The following NRCAM variants were observed in gnomAD, a reference collection of about 807,000 sequenced individuals.
The protein encoded by NRCAM is neuronal cell adhesion molecule.
NRCAM carries 83 observed loss-of-function variants against 156.5 expected under a neutral mutation model. The observed-to-expected ratio is 0.53, with a 90% confidence interval of 0.44 to 0.64. NRCAM has a LOEUF of 0.64. NRCAM is among the 30% of genes least tolerant of loss of function. The pLI is 0.00. For missense variants in NRCAM, 1,417 were observed against 1,597.3 expected (o/e 0.89, Z 1.92); for synonymous variants, 538 against 563.9 (o/e 0.95, Z 0.65).
chr7:108,207,479 T>C (rs1196081104), intron 13 of NRCAM, 49 bp downstream of exon 13: 10 of 1,590,158 alleles, frequency 6.3e-6, no homozygotes, highest in African/African-American at 1.3e-5. Flanking sequence ...TCGGGATGTA[T>C]ATATGCTCTG....
At chr7:108,434,401 T>C (rs2154471672) in intron 1 of NRCAM, among the ~76,000 whole-genome samples, 1 of 152,306 alleles carries the variant, frequency 6.6e-6, no homozygotes, top group Middle Eastern at 3.4e-3. Flanking sequence ...CAGAGATTTA[T>C]CAGAGAGTTC....
chr7:108,203,454 T>TC (rs1434137850), intron 13 of NRCAM, among the ~76,000 whole-genome samples: 1 of 151,358 alleles, frequency 6.6e-6, no homozygotes, highest in African/African-American at 2.4e-5. Context: ...TTCCAGTTTT[T>TC]TTTTTTTAAA....
intron 26 of NRCAM, among the ~76,000 whole-genome samples, chr7:108,177,654 T>C (rs1383057768): frequency 1.2e-4 from 2 of 16,270 alleles, no homozygotes; most frequent in African/African-American, 2.2e-4. Flanking sequence ...TATATATATA[T>C]ATATATGTAT....
At chr7:108,256,432 C>G (rs1486161372) in intron 3 of NRCAM, among the ~76,000 whole-genome samples, 9 of 149,288 alleles carry the variant, frequency 6.0e-5, no homozygotes, top group Admixed American at 5.3e-4. Context: ...GCAGCATGCT[C>G]GTTAAGAGTC....
At chr7:108,348,981 T>C (rs1454514082) in intron 2 of NRCAM, among the ~76,000 whole-genome samples, 1 of 151,110 alleles carries the variant, frequency 6.6e-6, no homozygotes, top group Admixed American at 6.6e-5. Flanking sequence ...TGGGGGGGAA[T>C]GTATTGGCAA....
intron 3 of NRCAM, among the ~76,000 whole-genome samples, chr7:108,256,054 G>A (rs1455148019): frequency 6.6e-6 from 1 of 151,038 alleles, no homozygotes; most frequent in Non-Finnish European, 1.5e-5. Flanking sequence ...GGTGGGGGGC[G>A]CCTCTGCCCG....
At chr7:108,382,386 A>C (rs1458978610) in intron 2 of NRCAM, among the ~76,000 whole-genome samples, 1 of 152,110 alleles carries the variant, frequency 6.6e-6, no homozygotes, top group African/African-American at 2.4e-5. Flanking sequence ...ACTTGAGTTC[A>C]GGAGTTTGAG....
At chr7:108,164,804 G>T (rs2052757641) in intron 30 of NRCAM, among the ~76,000 whole-genome samples, 1 of 152,188 alleles carries the variant, frequency 6.6e-6, no homozygotes, top group Non-Finnish European at 1.5e-5. Context: ...TGTAAAAAGT[G>T]ACAAGAACTG....
intron 32 of NRCAM, among the ~76,000 whole-genome samples, chr7:108,152,017 G>T (rs936478799): frequency 6.6e-6 from 1 of 152,120 alleles, no homozygotes; most frequent in African/African-American, 2.4e-5. Flanking sequence ...AAGATAGATT[G>T]TTCTCGGCAC....
chr7:108,332,586 G>A (rs777782707), intron 2 of NRCAM, among the ~76,000 whole-genome samples: 13 of 152,200 alleles, frequency 8.5e-5, no homozygotes, highest in South Asian at 4.1e-4. Flanking sequence ...AACTAAGAAC[G>A]ATTCCTTAAA....
Position 108,252,827 on chromosome 7 carries a change from C to T in NRCAM, c.-106-12657G>A, listed in dbSNP as rs543460141. 2.6e-5 allele frequency among the ~76,000 whole-genome samples: 4 copies of T among 152,336 alleles called. No homozygotes were observed. In the South Asian group the frequency reaches 6.2e-4, roughly 24 times the overall value. On this transcript the variant is annotated intron_variant, in intron 3 of 32. Coordinates refer to ENST00000379028, the MANE Select transcript of NRCAM (RefSeq NM_001037132.4). ...CTGAGAGCAAGGGTATGGATGGAGA[C>T]GAGCTGTTCTCTAAACATTTCTGCG... is the stretch of plus-strand genomic sequence containing the variant.
intron 3 of NRCAM, among the ~76,000 whole-genome samples, chr7:108,258,057 A>G (rs1268038487): frequency 4.6e-5 from 7 of 152,194 alleles, no homozygotes; most frequent in Non-Finnish European, 1.0e-4. Flanking sequence ...GCAAGCTCAG[A>G]CTTAGTTTCT....
rs1359244951 is a variant in NRCAM at position 108,391,495 on chromosome 7, T to C, written c.-174+7941A>G. ...CTGCATGTGAGATGGGTTTCCTGAA[T>C]ACAGCACACTGATGGGTCTTGACTC... On this transcript the variant is annotated intron_variant, in intron 2 of 32. Transcript: ENST00000379028. 2.6e-5 allele frequency among the ~76,000 whole-genome samples: 4 copies of C among 152,180 alleles called. No individual in the cohort carries two copies. The East Asian group carries it at 7.7e-4, about 29-fold the overall frequency.
At chr7:108,349,943 GTTC>G (rs2099399569) in intron 2 of NRCAM, among the ~76,000 whole-genome samples, 1 of 152,170 alleles carries the variant, frequency 6.6e-6, no homozygotes, top group Non-Finnish European at 1.5e-5. Flanking sequence ...ACATGACTGG[GTTC>G]TTTTCTATGT....
rs1348699126 is a variant in NRCAM at position 108,223,770 on chromosome 7, T to C, written c.845A>G (p.Glu282Gly). 1 of 1,611,158 alleles carries C rather than the reference T, an allele frequency of 6.2e-7. No homozygotes were observed. Among genetic ancestry groups the C allele is most frequent in the Non-Finnish European group, 8.5e-7 (1 of 1,177,506 alleles). Reference protein sequence around the residue: ...TPEGNASNKEELRGNVLSLEC... With the variant: ...TPEGNASNKEGLRGNVLSLEC... The stretch of plus-strand genomic sequence containing the variant: ...CAGTGAAAGCACATTTCCTCTTAAT[T>C]CCTCTTTGTTACTTGCATTGCCTTC... Residue 282 changes from glutamate to glycine, a missense_variant, in exon 11 of 33, where the codon GAA becomes GGA. By Grantham distance (98) the Glu-to-Gly change is moderately conservative (BLOSUM62 -2). Transcript: ENST00000379028.
At chr7:108,216,716 C>G (rs554355544) in intron 11 of NRCAM, among the ~76,000 whole-genome samples, 2 of 152,122 alleles carry the variant, frequency 1.3e-5, no homozygotes, top group African/African-American at 4.8e-5. Context: ...GCTATCAATA[C>G]TTGTGTATGC....
chr7:108,197,771 T>C (rs1445932294), intron 14 of NRCAM, among the ~76,000 whole-genome samples, 185 bp downstream of exon 14: 1 of 152,210 alleles, frequency 6.6e-6, no homozygotes, highest in African/African-American at 2.4e-5. Flanking sequence ...GTAAAAACTG[T>C]GTTATGGAAG....
intron 2 of NRCAM, among the ~76,000 whole-genome samples, chr7:108,393,628 C>A (rs2154380585): frequency 6.6e-6 from 1 of 152,272 alleles, no homozygotes; most frequent in East Asian, 1.9e-4. Context: ...GAGATGAACC[C>A]AGTACCTAAG....
chr7:108,416,225 C>A (rs1359925354), intron 1 of NRCAM, among the ~76,000 whole-genome samples: 1 of 152,216 alleles, frequency 6.6e-6, no homozygotes, highest in Non-Finnish European at 1.5e-5. Context: ...TTAAATAAAA[C>A]TGCAGATGCA....
Sources: gnomAD v4.1 joint callset for allele counts (sites outside exome capture counted in the v4.1 genomes callset) on GRCh38, gnomAD v4.1.1 for gene constraint, MANE v1.5 for transcripts, NCBI Gene and HGNC (gene_info 2026-07-23, HGNC 2026-07-21) for gene names.